Variants in UTY observed in about 807,000 individuals in gnomAD.
UTY encodes the protein ubiquitously transcribed tetratricopeptide repeat containing, Y-linked, also known as histone demethylase UTY.
A neutral mutation model predicts 32.5 loss-of-function variants in UTY; 12 were observed. The ratio of observed to expected loss-of-function variants is 0.37; its 90% CI spans 0.24 to 0.60. UTY has a LOEUF of 0.60. UTY is among the 20% of genes least tolerant of loss of function. UTY has a pLI of 0.69. For missense variants in UTY, 303 were observed against 299.2 expected (o/e 1.01, Z -0.09); for synonymous variants, 131 against 103.4 (o/e 1.27, Z -1.62).
At chrY:13,420,292 C>G (rs2072347470) in intron 4 of UTY, among the ~76,000 whole-genome samples, 1 of 33,235 alleles carries the variant, frequency 3.0e-5, no homozygotes, top group South Asian at 6.7e-4. Flanking sequence ...AGAATATGGG[C>G]AACATTAAAT....
rs1211997721 is a variant in UTY at position 13,355,325 on chromosome Y, G to C, written c.1739C>G (p.Pro580Arg). ...HNGAITDSSL[P>R]TNSVSNRQPH... is the part of the protein sequence containing the mutation. Reference sequence around the variant, plus strand: ...TTGTCGATTAGAGACAGAGTTTGTAGGCAGTGATGAATCAGTTATGGCCCC... The same window carrying C: ...TTGTCGATTAGAGACAGAGTTTGTACGCAGTGATGAATCAGTTATGGCCCC... The change falls in exon 17 of 30, where the codon CCT (proline) becomes CGT (arginine). Residue 580 changes from proline to arginine, a missense_variant. Transcript: ENST00000545955. The C allele has an allele frequency of 2.5e-6, 1 of 398,359 alleles. No homozygotes were observed.
chrY:13,324,454 A>G, intron 20 of UTY, 147 bp downstream of exon 20: 1 of 158,841 alleles, frequency 6.3e-6, no homozygotes, highest in Non-Finnish European at 1.1e-5. Context: ...CTCATGCACA[A>G]GAGGTATAAA....
At chrY:13,318,193 GTAATAA>G (rs565680061) in intron 21 of UTY, among the ~76,000 whole-genome samples, 123 of 24,784 alleles carry the variant, frequency 5.0e-3, no homozygotes, top group Admixed American at 0.018. Flanking sequence ...AGTAATAATA[GTAATAA>G]TAATAATAAT....
intron 4 of UTY, among the ~76,000 whole-genome samples, chrY:13,424,642 G>A (rs760479890): frequency 1.3e-4 from 4 of 31,836 alleles, no homozygotes; most frequent in Non-Finnish European, 3.1e-4. Flanking sequence ...GCTTGAACCC[G>A]GGGGGCAGAG....
At chrY:13,245,328 T>C, downstream of UTY, among the ~76,000 whole-genome samples, 1 of 33,774 alleles carries the variant, frequency 3.0e-5, no homozygotes, top group Admixed American at 2.7e-4. Context: ...AAATATTTAC[T>C]CTTCCTGATC....
chrY:13,449,358 T>C, intron 3 of UTY, among the ~76,000 whole-genome samples: 2 of 33,129 alleles, frequency 6.0e-5, no homozygotes, highest in African/African-American at 1.2e-4. Context: ...TTCCCTACTA[T>C]GATAAAGTTT....
intron 4 of UTY, among the ~76,000 whole-genome samples, chrY:13,422,317 C>T: frequency 3.0e-5 from 1 of 33,325 alleles, no homozygotes; most frequent in Non-Finnish European, 7.4e-5. Flanking sequence ...TAATATTTTT[C>T]TTAAAAACAG....
intron 21 of UTY, among the ~76,000 whole-genome samples, chrY:13,320,011 T>C (rs942355056): frequency 3.0e-5 from 1 of 33,517 alleles, no homozygotes; most frequent in African/African-American, 1.2e-4. Flanking sequence ...TTTTCCAATA[T>C]CAAATGATAA....
Position 13,356,030 on chromosome Y carries a change from G to C in UTY, c.1570-12C>G. Reference sequence around the variant, plus strand: ...AGTTGTTCCAAGTGCTAGAAGAAAAGAGATTAATATAATCAAAGTTTAATC... The same window carrying C: ...AGTTGTTCCAAGTGCTAGAAGAAAACAGATTAATATAATCAAAGTTTAATC... On this transcript the variant is annotated splice_polypyrimidine_tract_variant and intron_variant, in intron 15 of 29. Coordinates refer to ENST00000545955, the MANE Select transcript of UTY (RefSeq NM_001258249.2). 5.6e-6 allele frequency: 2 copies of C among 358,084 alleles called. No individual in the cohort carries two copies. The highest frequency in any genetic ancestry group is 7.0e-5 in the South Asian group (2 of 28,700). The allele number at this position is 358,084 out of a possible 400,897, so 89.3% of individuals were successfully genotyped here.
intron 17 of UTY, among the ~76,000 whole-genome samples, chrY:13,342,100 T>C: frequency 3.0e-5 from 1 of 32,819 alleles, no homozygotes; most frequent in Non-Finnish European, 7.5e-5. Context: ...AATGAGGCAA[T>C]GTATAAGGAA....
At chrY:13,363,422 G>A in intron 10 of UTY, among the ~76,000 whole-genome samples, 3 of 32,912 alleles carry the variant, frequency 9.1e-5, no homozygotes, top group Non-Finnish European at 2.2e-4. Flanking sequence ...CTGAATTCAA[G>A]CATTCCAGCC....
chrY:13,382,482 T>C, intron 8 of UTY, among the ~76,000 whole-genome samples: 1 of 33,892 alleles, frequency 3.0e-5, no homozygotes, highest in African/African-American at 1.2e-4. Flanking sequence ...TCCCTGGGTC[T>C]TCATCTCACA....
downstream of UTY, among the ~76,000 whole-genome samples, chrY:13,246,187 C>T (rs2053946112): frequency 3.0e-5 from 1 of 33,160 alleles, no homozygotes; most frequent in African/African-American, 1.2e-4. Flanking sequence ...CTCCTGACCA[C>T]AGGTGACTTC....
intron 25 of UTY, chrY:13,300,084 G>C: frequency 6.0e-6 from 1 of 167,943 alleles, no homozygotes; most frequent in Non-Finnish European, 7.4e-6. Context: ...CAGGAAAGGG[G>C]AGTAAGGACA....
chrY:13,414,566 T>C, intron 5 of UTY, among the ~76,000 whole-genome samples, 169 bp downstream of exon 5: 2 of 33,381 alleles, frequency 6.0e-5, no homozygotes, highest in East Asian at 1.6e-3. Context: ...AAACATAAAA[T>C]AGGAGCAGGG....
intron 8 of UTY, among the ~76,000 whole-genome samples, chrY:13,379,545 G>A (rs2065760391): frequency 3.1e-5 from 1 of 32,214 alleles, no homozygotes. Context: ...AAACACCCCC[G>A]AGCACTATCC....
chrY:13,270,662 CTT>C (rs2056244531), intron 27 of UTY, among the ~76,000 whole-genome samples: 3 of 33,679 alleles, frequency 8.9e-5, no homozygotes, highest in Non-Finnish European at 1.5e-4. Flanking sequence ...CTGTGTGTCT[CTT>C]GTTTACATTA....
At chrY:13,303,435 A>G (rs530571270) in intron 24 of UTY, among the ~76,000 whole-genome samples, 26 of 33,907 alleles carry the variant, frequency 7.7e-4, no homozygotes, top group African/African-American at 3.0e-3. Context: ...CATACCATAT[A>G]GATAATCTTA....
At chrY:13,380,009 C>CTA (rs750200883) in intron 8 of UTY, among the ~76,000 whole-genome samples, 7 of 3,393 alleles carry the variant, frequency 2.1e-3, no homozygotes, top group South Asian at 0.011. Flanking sequence ...ATACACACAT[C>CTA]TATATATATA....
Sources: allele counts gnomAD v4.1 joint callset (sites outside exome capture counted in the v4.1 genomes callset), GRCh38; gene constraint gnomAD v4.1.1; transcripts MANE v1.5; gene names NCBI Gene and HGNC (gene_info 2026-07-23, HGNC 2026-07-21).